Variants in ZFHX3 observed in about 807,000 individuals in gnomAD.
The protein encoded by ZFHX3 is zinc finger homeobox protein 3.
In ZFHX3, 42 loss-of-function variants were observed where a neutral mutation model predicts 279.1. That is an observed-to-expected ratio of 0.15 (90% CI 0.12 to 0.19). ZFHX3 has a LOEUF of 0.19. ZFHX3 is among the 10% of genes least tolerant of loss of function. The probability of loss-of-function intolerance (pLI) is 1.00; values close to 1 mark genes in which losing one functional copy is unlikely to be tolerated. For synonymous variants in ZFHX3, 2,293 were observed against 1,957.8 expected (o/e 1.17, Z -4.52); for missense variants, 4,981 against 4,754.0 (o/e 1.05, Z -1.40).
At chr16:72,863,496 T>C (rs1567553057) in intron 4 of ZFHX3, among the ~76,000 whole-genome samples, 1 of 150,178 alleles carries the variant, frequency 6.7e-6, no homozygotes, top group Non-Finnish European at 1.5e-5. Flanking sequence ...CCAACTTGGG[T>C]GACAGAGACA....
chr16:73,802,997 A>C (rs1960183030), intron 1 of ZFHX3, among the ~76,000 whole-genome samples: 1 of 152,086 alleles, frequency 6.6e-6, no homozygotes, highest in Admixed American at 6.6e-5. Flanking sequence ...TTTGCTTTTT[A>C]GTAGAGATGG....
At chr16:73,536,596 T>G (rs184992738) in intron 2 of ZFHX3, among the ~76,000 whole-genome samples, 1 of 152,360 alleles carries the variant, frequency 6.6e-6, no homozygotes, top group African/African-American at 2.4e-5. Flanking sequence ...AATCATATTT[T>G]CATACACTTT....
At chr16:73,634,809 A>G (rs2052513363) in intron 2 of ZFHX3, among the ~76,000 whole-genome samples, 1 of 152,142 alleles carries the variant, frequency 6.6e-6, no homozygotes, top group South Asian at 2.1e-4. Flanking sequence ...GAACAGGACT[A>G]CCTTCTCCTT....
At chr16:73,820,423 T>C (rs2142347923) in intron 1 of ZFHX3, among the ~76,000 whole-genome samples, 1 of 152,236 alleles carries the variant, frequency 6.6e-6, no homozygotes, top group South Asian at 2.1e-4. Context: ...TTTCTTGGAA[T>C]GTCTGCTCAT....
rs141309111 is a variant in ZFHX3, at chr16:73,022,204, C to T, written c.-50+25548G>A. 9.9e-5 allele frequency among the ~76,000 whole-genome samples: 15 copies of T among 152,272 alleles called. No individual in the cohort carries two copies. In the East Asian group the frequency reaches 2.7e-3, roughly 27 times the overall value. On this transcript the variant is annotated intron_variant, in intron 1 of 9. Coordinates refer to ENST00000268489, the MANE Select transcript of ZFHX3 (RefSeq NM_006885.4). ...GCCCCCATTGGAGTATCACCGGCAC[C>T]AACAACAGTGTCTGGCACACATGGG...
chr16:72,923,154 A>T (rs926954141), intron 3 of ZFHX3, among the ~76,000 whole-genome samples: 5 of 152,110 alleles, frequency 3.3e-5, no homozygotes, highest in African/African-American at 1.2e-4. Context: ...AGATATGAAC[A>T]TAGGGCTGGG....
intron 1 of ZFHX3, among the ~76,000 whole-genome samples, chr16:73,881,171 CTG>C (rs2030135282): frequency 6.6e-6 from 1 of 152,104 alleles, no homozygotes; most frequent in Non-Finnish European, 1.5e-5. Context: ...TGAACTGTCT[CTG>C]TATTTTTAAA....
At chr16:73,210,964 C>T (rs950098595) in intron 5 of ZFHX3, among the ~76,000 whole-genome samples, 7 of 152,094 alleles carry the variant, frequency 4.6e-5, no homozygotes, top group Admixed American at 1.3e-4. Context: ...TGTCTCTACT[C>T]AACTTTCCCA....
rs1322478309 is a variant in ZFHX3, at chr16:73,797,809, T to A, written c.-1608+93842A>T. Among the ~76,000 whole-genome samples, 5 of 32,604 alleles carry A rather than the reference T, an allele frequency of 1.5e-4. No homozygotes were observed. The East Asian group carries it at 3.7e-3, about 24-fold the overall frequency. 21.4% of individuals were successfully genotyped at this position (32,604 alleles called of 152,430 possible). On this transcript the variant is annotated intron_variant, in intron 1 of 17. Transcript: ENST00000641206. ...GTATAGGACAAGCCTTCTGAAGACTTTTTTTTTTTTTTTTTTTTTTTTGAG... is the reference window on the plus strand; with the variant it reads ...GTATAGGACAAGCCTTCTGAAGACTATTTTTTTTTTTTTTTTTTTTTTGAG...
At chr16:73,587,464 G>A (rs1567526360) in intron 2 of ZFHX3, among the ~76,000 whole-genome samples, 1 of 152,192 alleles carries the variant, frequency 6.6e-6, no homozygotes, top group African/African-American at 2.4e-5. Flanking sequence ...AATGCTTTTA[G>A]TTGACTGCAT....
Position 72,786,420 on chromosome 16 carries a change from T to TTTTA in ZFHX3, c.*743_*744insTAAA, listed in dbSNP as rs1329131457. 9 of 150,498 alleles carry TTTTA rather than the reference T, an allele frequency of 6.0e-5. No homozygotes were observed. The highest frequency in any genetic ancestry group is 2.0e-4 in the African/African-American group (8 of 40,040). 9.3% of individuals were successfully genotyped at this position (150,498 alleles called of 1,614,324 possible). ...CTTTGTGTGTGTGGGTTATTATTTT[T>TTTTA]TTTTTTTTTTGAAAGTGGGAGTGCT... On this transcript the variant is annotated 3_prime_UTR_variant, in exon 10 of 10. Transcript: ENST00000268489.
chr16:73,457,664 C>T (rs937913568), intron 2 of ZFHX3, among the ~76,000 whole-genome samples: 7 of 152,200 alleles, frequency 4.6e-5, no homozygotes, highest in African/African-American at 1.7e-4. Flanking sequence ...TCCCAGCTCT[C>T]CTGGGAAGGC....
At chr16:73,426,571 G>GGT (rs1037314830) in intron 3 of ZFHX3, among the ~76,000 whole-genome samples, 2 of 151,850 alleles carry the variant, frequency 1.3e-5, no homozygotes, top group Non-Finnish European at 2.9e-5. Context: ...ATAATCATAG[G>GGT]GTGTGTGTGT....
intron 1 of ZFHX3, among the ~76,000 whole-genome samples, chr16:73,801,771 T>C (rs1960153213): frequency 6.6e-6 from 1 of 152,090 alleles, no homozygotes; most frequent in African/African-American, 2.4e-5. Flanking sequence ...TATATGCGAG[T>C]GTGGTCATTG....
intron 7 of ZFHX3, among the ~76,000 whole-genome samples, chr16:72,800,553 G>A (rs1002169870): frequency 6.6e-6 from 1 of 152,118 alleles, no homozygotes; most frequent in Admixed American, 6.6e-5. Flanking sequence ...TTGAAGCAGG[G>A]AGCATTGTAG....
chr16:72,997,861 C>T (rs1963352266), intron 1 of ZFHX3, among the ~76,000 whole-genome samples: 1 of 152,120 alleles, frequency 6.6e-6, no homozygotes. Context: ...GGCAAGATCG[C>T]TTGAGCCCAG....
chr16:73,007,274 G>C (rs1435923949), intron 1 of ZFHX3, among the ~76,000 whole-genome samples: 1 of 152,152 alleles, frequency 6.6e-6, no homozygotes, highest in Non-Finnish European at 1.5e-5. Context: ...TGTAACCTTT[G>C]TGATGGTGTT....
chr16:73,062,240 TCTCA>T (rs1345921584), upstream of ZFHX3: 3 of 152,146 alleles, frequency 2.0e-5, no homozygotes, highest in Non-Finnish European at 2.9e-5. Flanking sequence ...TTTCTCTAGC[TCTCA>T]CTCAAATGGA....
chr16:73,767,569 T>C (rs1597104651), intron 1 of ZFHX3, among the ~76,000 whole-genome samples: 1 of 152,146 alleles, frequency 6.6e-6, no homozygotes, highest in Non-Finnish European at 1.5e-5. Flanking sequence ...AAACAAGATA[T>C]ATAATAGATG....
Sources: allele counts gnomAD v4.1 joint callset (sites outside exome capture counted in the v4.1 genomes callset), GRCh38; gene constraint gnomAD v4.1.1; transcripts MANE v1.5; gene names NCBI Gene and HGNC (gene_info 2026-07-23, HGNC 2026-07-21).